SPIN3: variants seen among roughly 807,000 people sequenced by gnomAD.
The protein encoded by SPIN3 is spindlin family member 3.
For missense variants in SPIN3, 176 were observed against 196.4 expected (o/e 0.90, Z 0.62); for synonymous variants, 74 against 74.3 (o/e 1.00, Z 0.02).
exon 6 of SPIN3, chrX:56,976,874 G>C (rs1208685807): frequency 9.0e-6 from 1 of 111,646 alleles, no homozygotes; most frequent in Non-Finnish European, 1.9e-5. Context: ...TGTCAGTATA[G>C]ATTTAGTAAA....
intron 3 of SPIN3, among the ~76,000 whole-genome samples, chrX:56,981,360 C>CAAAAAAA (rs34960496): frequency 2.6e-5 from 1 of 39,215 alleles, no homozygotes; most frequent in African/African-American, 9.5e-5. Context: ...GACTCCATCT[C>CAAAAAAA]AAAAAAAAAA....
downstream of SPIN3, among the ~76,000 whole-genome samples, chrX:56,986,068 A>C (rs1424857029): frequency 1.8e-5 from 2 of 110,535 alleles, no homozygotes; most frequent in Non-Finnish European, 3.8e-5. Context: ...ATCCCACATA[A>C]TTTACTTATT....
chrX:56,981,091 T>G (rs1400411175), intron 3 of SPIN3, among the ~76,000 whole-genome samples: 1 of 109,536 alleles, frequency 9.1e-6, no homozygotes, highest in Non-Finnish European at 1.9e-5. Flanking sequence ...ACTGGCACAA[T>G]GGCTCACGCC....
chrX:56,978,942 C>T (rs1402208091), intron 3 of SPIN3: 2 of 111,120 alleles, frequency 1.8e-5, no homozygotes, highest in East Asian at 5.7e-4. Context: ...ATACATATAC[C>T]CTTTATACTT....
chrX:56,982,780 C>T (rs1239277553), intron 3 of SPIN3: 1 of 111,293 alleles, frequency 9.0e-6, no homozygotes, highest in Non-Finnish European at 1.9e-5. Context: ...ATCAACTGAC[C>T]AAGCTGTGGA....
At chrX:56,985,833 A>T (rs1924212052), downstream of SPIN3, among the ~76,000 whole-genome samples, 1 of 111,648 alleles carries the variant, frequency 9.0e-6, no homozygotes, top group African/African-American at 3.3e-5. Flanking sequence ...AACATGCCAA[A>T]AACACACTTA....
rs189111948 is a variant in SPIN3, at chrX:56,980,710, C to G, written c.*205-2050G>C. On this transcript the variant is annotated intron_variant and NMD_transcript_variant, in intron 3 of 5. Coordinates refer to the SPIN3 transcript ENST00000475785. ...CTTTACTGTTACTTTAAACCCTTTC[C>G]ACTCTCTGGACCTGTTTCATACTCT... 1.6e-3 allele frequency among the ~76,000 whole-genome samples: 175 copies of G among 110,325 alleles called. 1 individual carries two copies. Among genetic ancestry groups the G allele is most frequent in the African/African-American group, 5.4e-3 (165 of 30,333 alleles).
intron 1 of SPIN3, 72 bp downstream of exon 1, chrX:56,995,144 T>C: frequency 2.4e-6 from 1 of 420,366 alleles, no homozygotes; most frequent in Non-Finnish European, 4.0e-6. Flanking sequence ...CCCAGCTCAG[T>C]CTGGCTAAGA....
chrX:56,987,741 A>G (rs181587549), downstream of SPIN3, among the ~76,000 whole-genome samples: 1 of 112,116 alleles, frequency 8.9e-6, no homozygotes, highest in African/African-American at 3.2e-5. Context: ...CTGGGAAAAC[A>G]AACTCAGTTC....
downstream of SPIN3, among the ~76,000 whole-genome samples, chrX:56,986,376 C>A (rs1569323931): frequency 1.8e-5 from 2 of 111,918 alleles, no homozygotes; most frequent in African/African-American, 3.2e-5. Flanking sequence ...TTTCCCATTT[C>A]TTTATGCAAA....
At chrX:56,978,843 T>C (rs1163381470) in intron 3 of SPIN3, 1 of 111,785 alleles carries the variant, frequency 8.9e-6, no homozygotes, top group Non-Finnish European at 1.9e-5. Context: ...AGTATTTACC[T>C]GAGGACAGGA....
At position 56,993,976 on chromosome X, in the gene SPIN3, G is replaced by A; in HGVS notation, c.*195C>T. On this transcript the variant is annotated 3_prime_UTR_variant, in exon 2 of 2. Coordinates refer to ENST00000374919, the MANE Select transcript of SPIN3 (RefSeq NM_001010862.3). ...CACTAATCAGTTAAATTGCGGAGAG[G>A]AACCAGTGAAAAGGTTGGACAGATG... The A allele has an allele frequency of 2.5e-6, 1 of 400,341 alleles. No individual in the cohort carries two copies. Among genetic ancestry groups the A allele is most frequent in the Non-Finnish European group, 4.2e-6 (1 of 235,756 alleles). The allele number at this position is 400,341 out of a possible 1,213,427, so 33.0% of individuals were successfully genotyped here. A position where few individuals can be genotyped will look rare whatever the true frequency, so the allele number is the denominator to read the frequency against.
chrX:56,987,789 T>C (rs142749102), downstream of SPIN3, among the ~76,000 whole-genome samples: 41 of 112,100 alleles, frequency 3.7e-4, no homozygotes, highest in African/African-American at 1.3e-3. Context: ...ATCTAAAGAA[T>C]TATTTAAATA....
Position 56,993,399 on chromosome X carries a change from C to T in SPIN3, c.*772G>A, listed in dbSNP as rs747354976. ...CAGCTTCTATCAGTTAAAACCTACT[C>T]CATGTCTGCAGATACCAGCCAGAGC... On this transcript the variant is annotated 3_prime_UTR_variant, in exon 2 of 2. Coordinates refer to ENST00000374919, the MANE Select transcript of SPIN3 (RefSeq NM_001010862.3). The T allele has an allele frequency of 3.0e-4, 33 of 111,306 alleles. No individual in the cohort carries two copies. Among genetic ancestry groups the T allele is most frequent in the African/African-American group, 1.0e-3 (31 of 30,600 alleles). The allele number at this position is 111,306 out of a possible 1,213,427, so 9.2% of individuals were successfully genotyped here.
exon 6 of SPIN3, chrX:56,977,168 A>G (rs1381486894): frequency 9.0e-6 from 1 of 111,594 alleles, no homozygotes; most frequent in Non-Finnish European, 1.9e-5. Flanking sequence ...CTGAGTCTAG[A>G]ACTCCAAAGG....
At chrX:56,990,445 T>G (rs184306101), downstream of SPIN3, among the ~76,000 whole-genome samples, 443 of 111,857 alleles carry the variant, frequency 4.0e-3, 3 homozygotes, top group Middle Eastern at 0.052. Context: ...AAAAGGCAAA[T>G]CAAAGCTATA....
rs1924372519 is a variant in SPIN3 at position 56,992,600 on chromosome X, CT to C, written c.*1570del. On this transcript the variant is annotated 3_prime_UTR_variant, in exon 2 of 2. Transcript: ENST00000374919. ...GAACTTAAACTAATTTGGAAGATAT[CT>C]TGCAGTACAGTCCCAATATGATTGT... is the stretch of plus-strand genomic sequence containing the variant. The C allele has an allele frequency of 3.4e-6, 1 of 295,306 alleles. No individual in the cohort carries two copies. The highest frequency in any genetic ancestry group is 2.1e-4 in the South Asian group (1 of 4,806). The allele number at this position is 295,306 out of a possible 1,213,427, so 24.3% of individuals were successfully genotyped here.
chrX:56,976,616 G>A (rs1924011676), exon 6 of SPIN3: 2 of 111,535 alleles, frequency 1.8e-5, no homozygotes, highest in Admixed American at 1.9e-4. Flanking sequence ...TATGGAAACT[G>A]AGAAAAACTT....
downstream of SPIN3, among the ~76,000 whole-genome samples, chrX:56,989,144 G>T (rs1273959800): frequency 2.7e-5 from 3 of 111,475 alleles, no homozygotes; most frequent in East Asian, 8.4e-4. Context: ...CTCCCCACTA[G>T]TGTATATTGG....
Sources: allele counts gnomAD v4.1 joint callset (sites outside exome capture counted in the v4.1 genomes callset), GRCh38; gene constraint gnomAD v4.1.1; transcripts MANE v1.5; gene names NCBI Gene and HGNC (gene_info 2026-07-23, HGNC 2026-07-21).